Variants in SLC14A2 observed in about 807,000 individuals in gnomAD.
The protein encoded by SLC14A2 is urea transporter 2.
SLC14A2 carries 91 observed loss-of-function variants against 104.6 expected under a neutral mutation model. That is an observed-to-expected ratio of 0.87 (90% CI 0.73 to 1.04). SLC14A2 has a LOEUF of 1.04. Among genes scored for constraint, SLC14A2 ranks in the 50% least tolerant of loss-of-function variants. The pLI is 0.00. For synonymous variants in SLC14A2, 476 were observed against 466.4 expected, an observed-to-expected ratio of 1.02 and a Z score of -0.27; for missense variants, 1,189 against 1,156.0, an observed-to-expected ratio of 1.03 and a Z score of -0.41.
chr18:45,415,626 G>C (rs1457550496), intron 1 of SLC14A2, among the ~76,000 whole-genome samples: 2 of 152,124 alleles, frequency 1.3e-5, no homozygotes, highest in Non-Finnish European at 2.9e-5. Context: ...GATAATGGTT[G>C]AAATAAACCA....
intron 1 of SLC14A2, among the ~76,000 whole-genome samples, chr18:45,623,435 CAG>C (rs1296312684): frequency 6.6e-6 from 1 of 152,054 alleles, no homozygotes; most frequent in Non-Finnish European, 1.5e-5. Context: ...ACAGAGTGAC[CAG>C]AGAGTCAGTA....
intron 1 of SLC14A2, among the ~76,000 whole-genome samples, chr18:45,219,311 C>T (rs1309827609): frequency 6.6e-6 from 1 of 152,152 alleles, no homozygotes; most frequent in Admixed American, 6.5e-5. Flanking sequence ...AGGCATATAG[C>T]AATGTTATTT....
intron 1 of SLC14A2, among the ~76,000 whole-genome samples, chr18:45,446,048 A>T (rs1351859155): frequency 6.6e-6 from 1 of 152,188 alleles, no homozygotes; most frequent in Non-Finnish European, 1.5e-5. Context: ...CCAAAATCTT[A>T]GTGTTCTCCA....
intron 1 of SLC14A2, among the ~76,000 whole-genome samples, chr18:45,377,323 C>A (rs1598735454): frequency 6.6e-6 from 1 of 151,978 alleles, no homozygotes; most frequent in East Asian, 1.9e-4. Context: ...TCCTGAGGAT[C>A]CCCACACTCA....
intron 1 of SLC14A2, among the ~76,000 whole-genome samples, chr18:45,395,187 A>T (rs1353440302): frequency 2.0e-5 from 3 of 152,242 alleles, no homozygotes; most frequent in African/African-American, 7.2e-5. Context: ...CATACAATGG[A>T]ATATTACTTG....
At chr18:45,380,742 A>G (rs1387024975) in intron 1 of SLC14A2, among the ~76,000 whole-genome samples, 3 of 152,128 alleles carry the variant, frequency 2.0e-5, no homozygotes, top group Non-Finnish European at 4.4e-5. Flanking sequence ...GAGATTGTTT[A>G]TGTCCAATAG....
At chr18:45,612,508 G>T (rs2144454581), upstream of SLC14A2, among the ~76,000 whole-genome samples, 1 of 152,336 alleles carries the variant, frequency 6.6e-6, no homozygotes, top group Non-Finnish European at 1.5e-5. Flanking sequence ...AATCGCTAAT[G>T]TTTATTAGCT....
chr18:45,515,197 G>T (rs1417993060), intron 2 of SLC14A2, among the ~76,000 whole-genome samples: 1 of 152,208 alleles, frequency 6.6e-6, no homozygotes, highest in East Asian at 1.9e-4. Context: ...AAAAATGGAA[G>T]ACTTCAAGTG....
Position 45,663,859 on chromosome 18 carries a change from A to G in SLC14A2, c.1426A>G (p.Arg476Gly), listed in dbSNP as rs2045971039. ...EGSEAVLSKH[R>G]SVFHIEWSSI... ...CTCGGAGGCTGTGCTCTCCAAGCAC[A>G]GGAGTGTATTTCACATCGAGTGGTC... is the stretch of plus-strand genomic sequence containing the variant. The change falls in exon 11 of 20, where the codon AGG (arginine) becomes GGG (glycine). Residue 476 changes from arginine to glycine, a missense_variant. Arg to Gly is a moderately radical substitution (Grantham distance 125). Coordinates refer to ENST00000255226, the MANE Select transcript of SLC14A2 (RefSeq NM_007163.4). 6.2e-7 allele frequency: 1 copy of G among 1,613,556 alleles called. No individual in the cohort carries two copies. The highest frequency in any genetic ancestry group is 8.5e-7 in the Non-Finnish European group (1 of 1,179,894).
At chr18:45,190,630 C>T in the SLC14A2 span, among the ~76,000 whole-genome samples, 14 of 152,190 alleles carry the variant, frequency 9.2e-5, no homozygotes, top group African/African-American at 2.4e-4. Flanking sequence ...AGAGATGGGC[C>T]GTGGCAGTGA....
chr18:45,463,338 G>A (rs1006099301), intron 1 of SLC14A2, among the ~76,000 whole-genome samples: 9 of 152,304 alleles, frequency 5.9e-5, no homozygotes, highest in East Asian at 1.9e-4. Flanking sequence ...GCTGTGTGAC[G>A]TTGGTCTCCC....
chr18:45,327,172 G>T (rs193128701), intron 1 of SLC14A2, among the ~76,000 whole-genome samples: 2 of 151,966 alleles, frequency 1.3e-5, no homozygotes, highest in African/African-American at 2.4e-5. Flanking sequence ...TTTAAGCAAG[G>T]TTCTAAGCAC....
rs185190406 is a variant in SLC14A2, at chr18:45,556,997, A to G, written c.-34-67634A>G. Among the ~76,000 whole-genome samples, 3 of 152,336 alleles carry G rather than the reference A, an allele frequency of 2.0e-5. No individual in the cohort carries two copies. The East Asian group carries it at 5.8e-4, about 29-fold the overall frequency. ...TAACAGATCTGCAAATCTGAGTCCA[A>G]CCAGGTTTATGCTACAGTGAAATAT... On this transcript the variant is annotated intron_variant, in intron 2 of 20. Coordinates refer to the SLC14A2 transcript ENST00000586448.
At chr18:45,173,837 G>A in the SLC14A2 span, among the ~76,000 whole-genome samples, 1 of 152,128 alleles carries the variant, frequency 6.6e-6, no homozygotes, top group African/African-American at 2.4e-5. Context: ...AGAGGGCCCT[G>A]AGATGCTGCA....
At chr18:45,329,110 G>T (rs2085264991) in intron 1 of SLC14A2, among the ~76,000 whole-genome samples, 1 of 152,210 alleles carries the variant, frequency 6.6e-6, no homozygotes, top group Non-Finnish European at 1.5e-5. Flanking sequence ...AAAGGGAAAA[G>T]AAATGTTTTG....
intron 1 of SLC14A2, among the ~76,000 whole-genome samples, chr18:45,222,271 A>G (rs1462571149): frequency 6.6e-6 from 1 of 152,198 alleles, no homozygotes; most frequent in Non-Finnish European, 1.5e-5. Flanking sequence ...AAAAAAGTAT[A>G]AGTATGTTGC....
At chr18:45,300,783 T>G (rs940913402) in intron 1 of SLC14A2, among the ~76,000 whole-genome samples, 1 of 152,284 alleles carries the variant, frequency 6.6e-6, no homozygotes. Context: ...AGATGGGAAG[T>G]GCATTCCTTG....
chr18:45,304,669 T>C (rs529424424), intron 1 of SLC14A2, among the ~76,000 whole-genome samples: 1 of 152,226 alleles, frequency 6.6e-6, no homozygotes, highest in South Asian at 2.1e-4. Flanking sequence ...TATCTATAGC[T>C]GGTGTTGGGA....
At position 45,415,978 on chromosome 18, in the gene SLC14A2, T is replaced by C. The variant is rs1324719622; in HGVS notation, c.-124-67255T>C. On this transcript the variant is annotated intron_variant, in intron 1 of 20. Transcript: ENST00000586448. ...TGCTAACTGCGCCAAGGGAAAACAA[T>C]TGATGCTGGCAAACTCGAATTTCTA... Among the ~76,000 whole-genome samples, 7 of 152,264 alleles carry C rather than the reference T, an allele frequency of 4.6e-5. No homozygotes were observed. In the South Asian group the frequency reaches 8.3e-4, roughly 18 times the overall value.
Sources: allele counts gnomAD v4.1 joint callset (sites outside exome capture counted in the v4.1 genomes callset), GRCh38; gene constraint gnomAD v4.1.1; transcripts MANE v1.5; gene names NCBI Gene and HGNC (gene_info 2026-07-23, HGNC 2026-07-21).